Variants in UGT1A9 observed in about 807,000 individuals in gnomAD.
UGT1A9 encodes UDP glucuronosyltransferase family 1 member A9, also known as UDP-glucuronosyltransferase 1A9.
Under a neutral mutation model 45.0 loss-of-function variants are expected in UGT1A9, and 35 were observed. That is an observed-to-expected ratio of 0.78 (90% confidence interval 0.59 to 1.03). UGT1A9 has a LOEUF of 1.03. Among genes scored for constraint, UGT1A9 ranks in the 50% least tolerant of loss-of-function variants. UGT1A9 has a pLI of 0.00. For missense variants in UGT1A9, 687 were observed against 666.6 expected, an observed-to-expected ratio of 1.03 and a Z score of -0.34; for synonymous variants, 278 against 250.6, an observed-to-expected ratio of 1.11 and a Z score of -1.03.
At chr2:233,705,744 G>A (rs1015744026) in intron 1 of UGT1A9, among the ~76,000 whole-genome samples, 2 of 152,208 alleles carry the variant, frequency 1.3e-5, no homozygotes, top group East Asian at 1.9e-4. Flanking sequence ...CAGGTAGGTC[G>A]GTAACAGATC....
chr2:233,730,639 T>C (rs1444875009), intron 1 of UGT1A9, among the ~76,000 whole-genome samples: 1 of 152,130 alleles, frequency 6.6e-6, no homozygotes, highest in African/African-American at 2.4e-5. Context: ...TGGTGCATGA[T>C]GTGGGGACAT....
chr2:233,713,398 C>T (rs1193578945), intron 1 of UGT1A9: 1 of 1,614,084 alleles, frequency 6.2e-7, no homozygotes, highest in South Asian at 1.1e-5. Context: ...CATAATGAGG[C>T]CCTGATCAGG....
chr2:233,675,228 C>T (rs771256236), intron 1 of UGT1A9, among the ~76,000 whole-genome samples: 3 of 152,108 alleles, frequency 2.0e-5, no homozygotes, highest in Non-Finnish European at 2.9e-5. Context: ...CAAATTTCAA[C>T]GTGAGATTTG....
At chr2:233,719,164 C>T in intron 1 of UGT1A9, 1 of 1,614,210 alleles carries the variant, frequency 6.2e-7, no homozygotes, top group Admixed American at 1.7e-5. Flanking sequence ...AGAAGTATGG[C>T]AATTATGAAC....
At chr2:233,729,203 C>T in intron 1 of UGT1A9, 1 of 1,614,022 alleles carries the variant, frequency 6.2e-7, no homozygotes, top group Non-Finnish European at 8.5e-7. Flanking sequence ...CAGCCCTGGG[C>T]TGAGAGTGGA....
chr2:233,689,192 G>C (rs1014208680), intron 1 of UGT1A9, among the ~76,000 whole-genome samples: 1 of 152,176 alleles, frequency 6.6e-6, no homozygotes, highest in Admixed American at 6.5e-5. Context: ...CCCTGGAACT[G>C]TCTGGCTGGG....
intron 1 of UGT1A9, among the ~76,000 whole-genome samples, chr2:233,742,449 T>C (rs1691982228): frequency 6.6e-6 from 1 of 151,986 alleles, no homozygotes. Flanking sequence ...GGGCCAGGTG[T>C]TCCTTGCCCT....
chr2:233,719,175 A>C, intron 1 of UGT1A9: 7 of 1,614,246 alleles, frequency 4.3e-6, no homozygotes, highest in Non-Finnish European at 5.1e-6. Flanking sequence ...AATTATGAAC[A>C]ATGTATCTTT....
At chr2:233,721,074 A>G (rs2076920580) in intron 1 of UGT1A9, among the ~76,000 whole-genome samples, 1 of 152,036 alleles carries the variant, frequency 6.6e-6, no homozygotes, top group African/African-American at 2.4e-5. Flanking sequence ...AATTTATATG[A>G]ACTTCCATGA....
chr2:233,744,767 T>G (rs1692915618), intron 1 of UGT1A9, among the ~76,000 whole-genome samples: 1 of 151,916 alleles, frequency 6.6e-6, no homozygotes, highest in Non-Finnish European at 1.5e-5. Flanking sequence ...GTTTTAACTT[T>G]GCAAAATTCT....
In UGT1A9 at chr2:233,693,644, G is replaced by T. The variant is rs775312118; in HGVS notation, c.855+20855G>T. On this transcript the variant is annotated intron_variant, in intron 1 of 4. Coordinates refer to ENST00000354728, the MANE Select transcript of UGT1A9 (RefSeq NM_021027.3). The stretch of plus-strand genomic sequence containing the variant: ...TTCCCAACGAGTGGCCAACTTCCTT[G>T]TTAATTTGTTGGAGCCCTATCTATT... The T allele has an allele frequency of 1.4e-5, 22 of 1,614,158 alleles. No homozygotes were observed. The South Asian group carries it at 2.1e-4, about 15-fold the overall frequency.
At chr2:233,683,466 T>A (rs537888718) in intron 1 of UGT1A9, among the ~76,000 whole-genome samples, 8 of 152,276 alleles carry the variant, frequency 5.3e-5, no homozygotes, top group Admixed American at 2.0e-4. Flanking sequence ...TTACATTATA[T>A]ATATTTTCAT....
At chr2:233,743,513 T>C (rs1354115874) in intron 1 of UGT1A9, 1 of 1,367,162 alleles carries the variant, frequency 7.3e-7, no homozygotes, top group South Asian at 1.1e-5. Flanking sequence ...GCAGACGCTC[T>C]GCTTCTGCTT....
intron 1 of UGT1A9, chr2:233,753,490 A>G (rs1695218587): frequency 6.6e-6 from 1 of 152,190 alleles, no homozygotes. Flanking sequence ...GCTGCTCTTA[A>G]TTTTTTTCAG....
chr2:233,766,201 G>C (rs544565545), intron 1 of UGT1A9, among the ~76,000 whole-genome samples: 1 of 152,254 alleles, frequency 6.6e-6, no homozygotes, highest in East Asian at 1.9e-4. Flanking sequence ...CTCAGCAGAT[G>C]GGGGAAGCCA....
intron 1 of UGT1A9, among the ~76,000 whole-genome samples, chr2:233,706,527 A>G (rs1298555218): frequency 1.3e-5 from 2 of 152,242 alleles, no homozygotes; most frequent in African/African-American, 4.8e-5. Context: ...ACAGCGGCTT[A>G]GAAACACAGC....
intron 1 of UGT1A9, among the ~76,000 whole-genome samples, chr2:233,700,073 G>A (rs2075542288): frequency 6.6e-6 from 1 of 152,184 alleles, no homozygotes; most frequent in African/African-American, 2.4e-5. Context: ...TGTCTACCCA[G>A]CAAGGCCCCC....
At chr2:233,718,930 A>T in intron 1 of UGT1A9, 3 of 1,614,066 alleles carry the variant, frequency 1.9e-6, no homozygotes, top group African/African-American at 1.3e-5. Context: ...GTGCCCACTG[A>T]TGGCAGCCCC....
intron 1 of UGT1A9, chr2:233,743,549 A>C: frequency 2.2e-6 from 3 of 1,367,168 alleles, no homozygotes; most frequent in Non-Finnish European, 2.9e-6. Flanking sequence ...TGACCCCCCC[A>C]AAATATTCTC....
Sources: allele counts gnomAD v4.1 joint callset (sites outside exome capture counted in the v4.1 genomes callset), GRCh38; gene constraint gnomAD v4.1.1; transcripts MANE v1.5; gene names NCBI Gene and HGNC (gene_info 2026-07-23, HGNC 2026-07-21).